Variants in VPS8 observed in about 807,000 individuals in gnomAD.
VPS8 encodes the protein vacuolar protein sorting-associated protein 8 homolog.
A neutral mutation model predicts 216.4 loss-of-function variants in VPS8; 129 were observed. The observed-to-expected ratio is 0.60, with a 90% CI of 0.52 to 0.69. VPS8 has a LOEUF of 0.69. VPS8 is among the 30% of genes least tolerant of loss of function. The pLI is 0.00. For missense variants in VPS8, 1,531 were observed against 1,683.5 expected, an observed-to-expected ratio of 0.91 and a Z score of 1.59; for synonymous variants, 571 against 565.4, an observed-to-expected ratio of 1.01 and a Z score of -0.14.
chr3:184,905,225 CAT>C (rs754251830), intron 25 of VPS8, among the ~76,000 whole-genome samples: 2 of 152,222 alleles, frequency 1.3e-5, no homozygotes, highest in African/African-American at 2.4e-5. Flanking sequence ...GTTTTCAACA[CAT>C]GAGTTTTGGG....
chr3:185,003,107 A>T (rs1450019998), intron 45 of VPS8, among the ~76,000 whole-genome samples: 4 of 150,054 alleles, frequency 2.7e-5, no homozygotes, highest in Non-Finnish European at 5.9e-5. Context: ...CCATGCCAAC[A>T]TCTAATATTT....
chr3:184,856,059 A>G (rs1725194726), intron 14 of VPS8, among the ~76,000 whole-genome samples: 1 of 152,220 alleles, frequency 6.6e-6, no homozygotes, highest in Admixed American at 6.5e-5. Context: ...TTAATGGTAT[A>G]TGTAAATGTA....
At chr3:185,005,970 C>G (rs765331004) in intron 45 of VPS8, among the ~76,000 whole-genome samples, 2 of 152,016 alleles carry the variant, frequency 1.3e-5, no homozygotes, top group Non-Finnish European at 2.9e-5. Flanking sequence ...TGTCTTGTTG[C>G]AGTTCTCAGG....
intron 45 of VPS8, among the ~76,000 whole-genome samples, chr3:185,007,445 A>C (rs1754425155): frequency 6.6e-6 from 1 of 152,262 alleles, no homozygotes; most frequent in South Asian, 2.1e-4. Context: ...TAGCATGAGA[A>C]GAAATTAGCT....
intron 46 of VPS8, among the ~76,000 whole-genome samples, chr3:185,035,299 C>A (rs925529332): frequency 6.6e-6 from 1 of 152,056 alleles, no homozygotes; most frequent in African/African-American, 2.4e-5. Context: ...GGCAGAGACA[C>A]GATGTAGAAA....
chr3:184,882,751 A>T (rs1730494883), intron 21 of VPS8, among the ~76,000 whole-genome samples: 1 of 152,098 alleles, frequency 6.6e-6, no homozygotes, highest in Admixed American at 6.6e-5. Context: ...CTATAGGGGT[A>T]TTCAAATGAG....
chr3:185,027,651 A>G (rs992230801), intron 46 of VPS8, among the ~76,000 whole-genome samples: 1 of 152,224 alleles, frequency 6.6e-6, no homozygotes, highest in Admixed American at 6.5e-5. Flanking sequence ...GTATATAGGC[A>G]TTTATTAAAT....
At chr3:184,914,954 A>G (rs556952665) in intron 26 of VPS8, 27 bp from the exon 27 acceptor site, 2 of 1,606,564 alleles carry the variant, frequency 1.2e-6, no homozygotes, top group African/African-American at 2.7e-5. Context: ...ACAAGTCACC[A>G]TATCCATTCT....
chr3:185,019,709 G>A (rs558868347), intron 45 of VPS8, among the ~76,000 whole-genome samples: 59 of 152,264 alleles, frequency 3.9e-4, no homozygotes, highest in Middle Eastern at 6.8e-3. Context: ...CAGCGTGGGC[G>A]TCATGGCCAT....
chr3:184,877,299 T>C (rs1339280065), intron 21 of VPS8, among the ~76,000 whole-genome samples: 1 of 152,330 alleles, frequency 6.6e-6, no homozygotes, highest in African/African-American at 2.4e-5. Context: ...TTTAGGGACC[T>C]GTGTAAGTTT....
At chr3:185,009,420 T>C (rs1454491356) in intron 45 of VPS8, among the ~76,000 whole-genome samples, 1 of 152,172 alleles carries the variant, frequency 6.6e-6, no homozygotes, top group Non-Finnish European at 1.5e-5. Context: ...ACATATGCAT[T>C]TACATTGATA....
chr3:184,864,240 A>G (rs1050449773), intron 16 of VPS8, among the ~76,000 whole-genome samples: 22 of 152,156 alleles, frequency 1.4e-4, no homozygotes, highest in Non-Finnish European at 2.8e-4. Context: ...TCTCTCACCA[A>G]ATGGGGAACA....
chr3:184,815,226 G>A (rs1716055015), intron 1 of VPS8, among the ~76,000 whole-genome samples: 1 of 152,144 alleles, frequency 6.6e-6, no homozygotes, highest in African/African-American at 2.4e-5. Flanking sequence ...AAGATAAAAA[G>A]TATAGGATAG....
At chr3:184,847,716 A>C (rs1166013958) in intron 8 of VPS8, among the ~76,000 whole-genome samples, 4 of 152,100 alleles carry the variant, frequency 2.6e-5, no homozygotes. Context: ...ATAATAATGA[A>C]CTCTAGACAA....
intron 7 of VPS8, among the ~76,000 whole-genome samples, chr3:184,842,241 T>C (rs1722322232): frequency 6.9e-6 from 1 of 144,810 alleles, no homozygotes; most frequent in Non-Finnish European, 1.5e-5. Context: ...CAAACTCAAG[T>C]ATAGCTTACT....
chr3:184,980,547 AT>A (rs1750031677), intron 40 of VPS8, among the ~76,000 whole-genome samples: 2 of 150,346 alleles, frequency 1.3e-5, no homozygotes, highest in African/African-American at 2.5e-5. Flanking sequence ...ACTGGTCTTC[AT>A]TTTTTATTTG....
At chr3:184,818,517 G>A (rs1486163561) in intron 1 of VPS8, among the ~76,000 whole-genome samples, 6 of 124,398 alleles carry the variant, frequency 4.8e-5, no homozygotes, top group African/African-American at 1.8e-4. Flanking sequence ...GGGGGAACCT[G>A]TCTCAAAAAA....
chr3:185,026,319 C>T (rs1757341723), intron 46 of VPS8, among the ~76,000 whole-genome samples: 2 of 151,850 alleles, frequency 1.3e-5, no homozygotes, highest in Non-Finnish European at 2.9e-5. Flanking sequence ...AAATACCATG[C>T]ATTTTAAAGG....
At position 184,964,470 on chromosome 3, in the gene VPS8, T is replaced by A. The variant is rs1343576667; in HGVS notation, c.3186T>A (p.Ile1062=). The change falls in exon 38 of 48, where the codon ATT becomes ATA. Residue 1062 remains isoleucine, a splice_region_variant and synonymous_variant. Coordinates refer to ENST00000625842, the MANE Select transcript of VPS8 (RefSeq NM_001009921.3). ...ECYRLEETIQ[I]TQKYQLHEVT... ...TATTTATCTTTTTTATTTCCTAGAT[T>A]ACTCAGAAGTATCAACTTCATGAAG... 1.2e-5 allele frequency: 18 copies of A among 1,475,296 alleles called. No individual in the cohort carries two copies. In the East Asian group the frequency reaches 4.6e-4, roughly 38 times the overall value. The allele number at this position is 1,475,296 out of a possible 1,614,324, so 91.4% of individuals were successfully genotyped here.
Sources: allele counts gnomAD v4.1 joint callset (sites outside exome capture counted in the v4.1 genomes callset), GRCh38; gene constraint gnomAD v4.1.1; transcripts MANE v1.5; gene names NCBI Gene and HGNC (gene_info 2026-07-23, HGNC 2026-07-21).